Variants in DLGAP4 observed in about 807,000 individuals in gnomAD.
DLGAP4 encodes disks large-associated protein 4.
In DLGAP4, 18 loss-of-function variants were observed where a neutral mutation model predicts 86.9. The ratio of observed to expected loss-of-function variants is 0.21; its 90% confidence interval spans 0.14 to 0.31. The LOEUF (loss-of-function observed/expected upper bound fraction) is 0.31, where lower values mean the gene tolerates loss of function less well. DLGAP4 is among the 10% of genes least tolerant of loss of function. The probability of loss-of-function intolerance (pLI) is 1.00; values close to 1 mark genes in which losing one functional copy is unlikely to be tolerated. For synonymous variants in DLGAP4, 548 were observed against 574.3 expected (o/e 0.95, Z 0.65); for missense variants, 1,085 against 1,362.6 (o/e 0.80, Z 3.21).
intron 7 of DLGAP4, among the ~76,000 whole-genome samples, chr20:36,453,830 G>C (rs1229248946): frequency 6.6e-6 from 1 of 151,252 alleles, no homozygotes; most frequent in East Asian, 1.9e-4. Context: ...CTACTCTGGA[G>C]GCTGAGGCAG....
At chr20:36,395,822 A>G (rs1281480450) in intron 2 of DLGAP4, among the ~76,000 whole-genome samples, 1 of 152,134 alleles carries the variant, frequency 6.6e-6, no homozygotes. Flanking sequence ...TGTGGCAAAC[A>G]TTAGTCTCTG....
chr20:36,331,536 G>A (rs2065268371), intron 1 of DLGAP4, among the ~76,000 whole-genome samples: 1 of 152,222 alleles, frequency 6.6e-6, no homozygotes, highest in South Asian at 2.1e-4. Flanking sequence ...CCTCAGCCTG[G>A]ACTCACTCTG....
chr20:36,461,723 C>G, intron 7 of DLGAP4: 5 of 890,192 alleles, frequency 5.6e-6, no homozygotes, highest in Non-Finnish European at 6.5e-6. Flanking sequence ...TCCTCCTCCT[C>G]CCCGTCTGTC....
intron 2 of DLGAP4, among the ~76,000 whole-genome samples, chr20:36,388,849 A>G (rs1375146947): frequency 6.6e-6 from 1 of 152,138 alleles, no homozygotes; most frequent in Non-Finnish European, 1.5e-5. Context: ...TTCCATGCCT[A>G]CCCATCAGAA....
intron 7 of DLGAP4, among the ~76,000 whole-genome samples, chr20:36,478,629 C>T (rs2035049568): frequency 6.6e-6 from 1 of 152,178 alleles, no homozygotes; most frequent in South Asian, 2.1e-4. Flanking sequence ...ACAAACTTGG[C>T]TATCTACAGC....
intron 2 of DLGAP4, among the ~76,000 whole-genome samples, chr20:36,386,066 G>A (rs1027698080): frequency 2.5e-4 from 38 of 152,096 alleles, no homozygotes; most frequent in Admixed American, 2.3e-3. Context: ...CGGGGGCCTC[G>A]GCACCACCAG....
intron 2 of DLGAP4, among the ~76,000 whole-genome samples, chr20:36,371,824 G>A (rs2030950874): frequency 1.3e-5 from 2 of 152,002 alleles, no homozygotes; most frequent in African/African-American, 4.8e-5. Context: ...AGAATTATAT[G>A]TGTTTCTGGA....
intron 2 of DLGAP4, among the ~76,000 whole-genome samples, chr20:36,372,123 A>G (rs537236311): frequency 1.0e-3 from 156 of 152,308 alleles, no homozygotes; most frequent in African/African-American, 3.6e-3. Flanking sequence ...TGCAAAACAG[A>G]TAAGAATAGC....
intron 2 of DLGAP4, among the ~76,000 whole-genome samples, chr20:36,426,093 G>A (rs568679634): frequency 6.6e-6 from 1 of 152,150 alleles, no homozygotes; most frequent in South Asian, 2.1e-4. Flanking sequence ...CTACAACATG[G>A]GTGAACTTAG....
intron 1 of DLGAP4, among the ~76,000 whole-genome samples, chr20:36,348,128 TG>T (rs1226589170): frequency 5.3e-5 from 8 of 152,226 alleles, no homozygotes; most frequent in Non-Finnish European, 1.2e-4. Context: ...CGTAGTCACA[TG>T]GCCACACCTA....
chr20:36,424,149 G>A (rs1340742622), intron 2 of DLGAP4, among the ~76,000 whole-genome samples: 2 of 152,206 alleles, frequency 1.3e-5, no homozygotes, highest in Non-Finnish European at 2.9e-5. Flanking sequence ...TGGGAAATCA[G>A]TTCGGAACAT....
intron 2 of DLGAP4, among the ~76,000 whole-genome samples, chr20:36,398,963 C>T (rs2032076844): frequency 2.0e-5 from 3 of 152,112 alleles, no homozygotes; most frequent in South Asian, 2.1e-4. Context: ...GAGGCTGAGG[C>T]GGGTGGATCA....
intron 7 of DLGAP4, among the ~76,000 whole-genome samples, chr20:36,490,017 C>T (rs1474341661): frequency 1.3e-5 from 2 of 151,922 alleles, no homozygotes; most frequent in Admixed American, 1.3e-4. Flanking sequence ...CACCACCACA[C>T]CCGGCTATTT....
chr20:36,436,208 G>A lies in DLGAP4; in HGVS notation c.1099G>A (p.Gly367Ser). 2 of 1,603,962 alleles carry A rather than the reference G, an allele frequency of 1.2e-6. No homozygotes were observed. Among genetic ancestry groups the A allele is most frequent in the Non-Finnish European group, 1.7e-6 (2 of 1,179,146 alleles). ...GPIPCRRMRS[G>S]SYIKAMGDED... ...TATCCCGTGCCGGCGCATGCGCAGC[G>A]GCAGCTACATCAAGGCCATGGGCGA... Residue 367 changes from glycine to serine, a missense_variant, in exon 4 of 13, where the codon GGC becomes AGC. Gly to Ser is a moderately conservative substitution (Grantham distance 56). Transcript: ENST00000339266.
rs1249428587 is a variant in DLGAP4, at chr20:36,500,324, C to A, written c.2225C>A (p.Ser742Tyr). The change falls in exon 10 of 13, where the codon TCC becomes TAC. Residue 742 changes from serine (S) to tyrosine (Y), a missense_variant. Coordinates refer to ENST00000339266, the MANE Select transcript of DLGAP4 (RefSeq NM_001365621.2). This position sits in a 1 kb window ranked among gnomAD's most constrained non-coding sequence, Gnocchi z 4.6. ...CCGGACTGTACCCCTCACCCCAACT[C>A]CATCAGCATCGATGCCGGTCCCCGG... ...SLPDCTPHPN[S>Y]ISIDAGPRQA... The A allele has an allele frequency of 1.9e-6, 3 of 1,614,072 alleles. 1 individual carries two copies.
intron 2 of DLGAP4, among the ~76,000 whole-genome samples, chr20:36,410,858 TC>T (rs915835848): frequency 1.3e-5 from 2 of 152,140 alleles, no homozygotes; most frequent in African/African-American, 4.8e-5. Context: ...TCAGCAGAGT[TC>T]CCAGCGGGGT....
At chr20:36,309,719 T>A (rs1188910647) in intron 1 of DLGAP4, among the ~76,000 whole-genome samples, 1 of 152,260 alleles carries the variant, frequency 6.6e-6, no homozygotes, top group African/African-American at 2.4e-5. Context: ...CCTGTTTACC[T>A]GTTCAGCCCT....
chr20:36,450,315 T>G (rs1395080148), intron 7 of DLGAP4, among the ~76,000 whole-genome samples: 3 of 152,114 alleles, frequency 2.0e-5, no homozygotes, highest in Non-Finnish European at 4.4e-5. Flanking sequence ...CTGGCCAACA[T>G]GGCGAAACCC....
chr20:36,313,096 CCCCTGACCTG>C (rs1310911750), intron 1 of DLGAP4, among the ~76,000 whole-genome samples: 1 of 152,140 alleles, frequency 6.6e-6, no homozygotes, highest in Non-Finnish European at 1.5e-5. Flanking sequence ...ACTGCCCTCA[CCCCTGACCTG>C]CCGCCTGGCT....
Sources: gnomAD v4.1 joint callset for allele counts (sites outside exome capture counted in the v4.1 genomes callset) on GRCh38, gnomAD v4.1.1 for gene constraint, Gnocchi (gnomAD v3.1) non-coding constraint, MANE v1.5 for transcripts, NCBI Gene and HGNC (gene_info 2026-07-23, HGNC 2026-07-21) for gene names.